Variants in ATP8A1 observed in about 807,000 individuals in gnomAD.
ATP8A1 encodes ATPase phospholipid transporting 8A1, also known as phospholipid-transporting ATPase IA.
Under a neutral mutation model 177.7 loss-of-function variants are expected in ATP8A1, and 90 were observed. The ratio of observed to expected loss-of-function variants is 0.51; its 90% CI spans 0.43 to 0.60. The LOEUF (loss-of-function observed/expected upper bound fraction) is 0.60, where lower values mean the gene tolerates loss of function less well. ATP8A1 is among the 20% of genes least tolerant of loss of function. The pLI is 0.00. For synonymous variants in ATP8A1, 493 were observed against 485.9 expected (o/e 1.01, Z -0.19); for missense variants, 1,072 against 1,392.8 (o/e 0.77, Z 3.67).
intron 5 of ATP8A1, among the ~76,000 whole-genome samples, chr4:42,611,603 CTCCA>C (rs34134476): frequency 0.22 from 34,091 of 151,982 alleles, 4,283 homozygotes; most frequent in Non-Finnish European, 0.29. Context: ...TGCACCTGAA[CTCCA>C]TCCATCCTTT....
At chr4:42,455,023 T>A (rs950114651) in intron 29 of ATP8A1, among the ~76,000 whole-genome samples, 3 of 152,194 alleles carry the variant, frequency 2.0e-5, no homozygotes, top group Non-Finnish European at 2.9e-5. Context: ...ATGATTTTTA[T>A]ACGTCAGGCC....
intron 25 of ATP8A1, among the ~76,000 whole-genome samples, chr4:42,475,219 G>T (rs1458690837): frequency 1.3e-5 from 2 of 152,110 alleles, no homozygotes; most frequent in Non-Finnish European, 1.5e-5. Flanking sequence ...AGGCTGGACT[G>T]CAGTGGTGCC....
chr4:42,507,729 C>CAAAAAAAAA (rs34269384), intron 22 of ATP8A1, among the ~76,000 whole-genome samples: 1 of 8,910 alleles, frequency 1.1e-4, no homozygotes, highest in South Asian at 0.015. Flanking sequence ...GACTCCATCT[C>CAAAAAAAAA]AAAAAAAAAA....
At chr4:42,542,255 C>T (rs1728466589) in intron 20 of ATP8A1, among the ~76,000 whole-genome samples, 1 of 151,832 alleles carries the variant, frequency 6.6e-6, no homozygotes. Flanking sequence ...CAAGCTAATT[C>T]TATGATTATT....
intron 20 of ATP8A1, among the ~76,000 whole-genome samples, chr4:42,530,842 G>A (rs1727192784): frequency 6.6e-6 from 1 of 152,076 alleles, no homozygotes; most frequent in Non-Finnish European, 1.5e-5. Context: ...ATCAAGGGGT[G>A]GAAGTGGAAG....
intron 25 of ATP8A1, among the ~76,000 whole-genome samples, chr4:42,475,573 T>C (rs1351064198): frequency 6.6e-6 from 1 of 150,920 alleles, no homozygotes; most frequent in Admixed American, 6.6e-5. Flanking sequence ...ATATAATATA[T>C]ACTGTCAGGC....
chr4:42,418,305 G>A (rs1405056734), intron 35 of ATP8A1, among the ~76,000 whole-genome samples: 1 of 152,130 alleles, frequency 6.6e-6, no homozygotes, highest in Non-Finnish European at 1.5e-5. Flanking sequence ...ATGATGATAT[G>A]CTGGCTAATA....
At chr4:42,643,176 T>C (rs1408428725) in intron 1 of ATP8A1, among the ~76,000 whole-genome samples, 1 of 152,164 alleles carries the variant, frequency 6.6e-6, no homozygotes, top group Non-Finnish European at 1.5e-5. Context: ...AGTTCCCAGA[T>C]ACCTAAAATT....
In ATP8A1 at chr4:42,601,025, C is replaced by T. The variant is rs1346584162; in HGVS notation, c.410-507G>A. Among the ~76,000 whole-genome samples, 3 of 135,480 alleles carry T rather than the reference C, an allele frequency of 2.2e-5. No homozygotes were observed. The East Asian group carries it at 6.7e-4, about 30-fold the overall frequency. The allele number at this position is 135,480 out of a possible 152,430, so 88.9% of individuals were successfully genotyped here. On this transcript the variant is annotated intron_variant, in intron 5 of 36. Transcript: ENST00000381668. ...ACAGCGACAAAAAGCAAAAACAACC[C>T]AAATTTTCTTTTTTTTTTTTTTTTT... is the stretch of plus-strand genomic sequence containing the variant.
chr4:42,425,645 T>C (rs1577906657), intron 33 of ATP8A1, among the ~76,000 whole-genome samples: 1 of 151,742 alleles, frequency 6.6e-6, no homozygotes, highest in African/African-American at 2.4e-5. Flanking sequence ...AGAAACCAGT[T>C]TTGTCTCTAA....
chr4:42,424,256 T>C (rs1376217145), intron 33 of ATP8A1, among the ~76,000 whole-genome samples: 2 of 151,914 alleles, frequency 1.3e-5, no homozygotes, highest in African/African-American at 4.8e-5. Flanking sequence ...ATTGCTGTAT[T>C]AGAGCCTTTT....
chr4:42,457,757 T>C (rs2153180458), intron 27 of ATP8A1, among the ~76,000 whole-genome samples: 1 of 152,316 alleles, frequency 6.6e-6, no homozygotes, highest in South Asian at 2.1e-4. Flanking sequence ...TTTAAGATTC[T>C]CCCTCAAATC....
At chr4:42,653,865 C>T (rs186773489) in intron 1 of ATP8A1, among the ~76,000 whole-genome samples, 154 of 152,322 alleles carry the variant, frequency 1.0e-3, no homozygotes, top group Middle Eastern at 3.4e-3. Context: ...CTGCTCCCGG[C>T]CAATTTCCTT....
At chr4:42,569,769 A>G (rs1315057885) in intron 14 of ATP8A1, among the ~76,000 whole-genome samples, 2 of 152,232 alleles carry the variant, frequency 1.3e-5, no homozygotes, top group Non-Finnish European at 2.9e-5. Context: ...ATTTTCACTT[A>G]AACTATTTCA....
chr4:42,494,474 CAT>C (rs1276417371), intron 24 of ATP8A1, among the ~76,000 whole-genome samples: 2 of 152,178 alleles, frequency 1.3e-5, no homozygotes, highest in Admixed American at 1.3e-4. Context: ...GACTCCATCT[CAT>C]GTGACTGGGA....
At chr4:42,473,069 C>T (rs1720629978) in intron 25 of ATP8A1, among the ~76,000 whole-genome samples, 1 of 152,134 alleles carries the variant, frequency 6.6e-6, no homozygotes, top group South Asian at 2.1e-4. Context: ...GATACTCTGG[C>T]AGACTCATTT....
At chr4:42,480,803 G>A (rs1019114273) in intron 25 of ATP8A1, among the ~76,000 whole-genome samples, 9 of 152,096 alleles carry the variant, frequency 5.9e-5, no homozygotes, top group African/African-American at 1.9e-4. Context: ...TACACTATGA[G>A]GAAAATGGCC....
At chr4:42,465,309 A>G (rs987996367) in intron 25 of ATP8A1, among the ~76,000 whole-genome samples, 23 of 152,350 alleles carry the variant, frequency 1.5e-4, no homozygotes, top group Middle Eastern at 3.4e-3. Context: ...GGTGACATCT[A>G]GAAGAGAGAA....
intron 33 of ATP8A1, among the ~76,000 whole-genome samples, chr4:42,424,176 T>A (rs1714316093): frequency 6.6e-6 from 1 of 152,018 alleles, no homozygotes; most frequent in Non-Finnish European, 1.5e-5. Flanking sequence ...AAACCAAATA[T>A]CTTGTATGTA....
Sources: allele counts gnomAD v4.1 joint callset (sites outside exome capture counted in the v4.1 genomes callset), GRCh38; gene constraint gnomAD v4.1.1; transcripts MANE v1.5; gene names NCBI Gene and HGNC (gene_info 2026-07-23, HGNC 2026-07-21).